ZNF518A: variants seen among roughly 807,000 people sequenced by gnomAD.
The protein encoded by ZNF518A is zinc finger protein 518.
In ZNF518A, 47 loss-of-function variants were observed where a neutral mutation model predicts 102.7. That is an observed-to-expected ratio of 0.46 (90% CI 0.36 to 0.58). The LOEUF (loss-of-function observed/expected upper bound fraction) is 0.58, where lower values mean the gene tolerates loss of function less well. ZNF518A is among the 20% of genes least tolerant of loss of function. The pLI, the probability that ZNF518A is intolerant of heterozygous loss-of-function variation, is 0.00. For missense variants in ZNF518A, 1,793 were observed against 1,699.8 expected (o/e 1.05, Z -0.96); for synonymous variants, 652 against 594.6 (o/e 1.10, Z -1.40).
In ZNF518A at chr10:96,163,121, C is replaced by T. The variant is rs1355224448; in HGVS notation, c.*2347C>T. On this transcript the variant is annotated 3_prime_UTR_variant, in exon 6 of 6. Coordinates refer to ENST00000316045, the MANE Select transcript of ZNF518A (RefSeq NM_001330736.2). ...ACATTACATTTCAGAATAGCCATAT[C>T]AGGAAAATAATGTCGAGATATGTAC... 1.2e-5 allele frequency: 2 copies of T among 166,968 alleles called. No individual in the cohort carries two copies. Among genetic ancestry groups the T allele is most frequent in the South Asian group, 2.1e-4 (1 of 4,832 alleles). The allele number at this position is 166,968 out of a possible 1,614,324, so 10.3% of individuals were successfully genotyped here. A position where few individuals can be genotyped will look rare whatever the true frequency, so the allele number is the denominator to read the frequency against.
chr10:96,170,857 T>C (rs2083169122), intron 1 of ZNF518A, among the ~76,000 whole-genome samples: 1 of 152,136 alleles, frequency 6.6e-6, no homozygotes, highest in Non-Finnish European at 1.5e-5. Flanking sequence ...TAATTTAGAA[T>C]AATGAACCCT....
chr10:96,202,854 G>A (rs372815683), intron 1 of ZNF518A, among the ~76,000 whole-genome samples: 3 of 152,112 alleles, frequency 2.0e-5, no homozygotes, highest in African/African-American at 2.4e-5. Context: ...TTCAACATGC[G>A]TGCATCTCGT....
At chr10:96,152,942 G>A (rs2082522245) in intron 3 of ZNF518A, among the ~76,000 whole-genome samples, 1 of 152,164 alleles carries the variant, frequency 6.6e-6, no homozygotes, top group Non-Finnish European at 1.5e-5. Flanking sequence ...ATTTATTAGG[G>A]GAATTGACTG....
At position 96,183,377 on chromosome 10, in the gene ZNF518A, G is replaced by A. The variant is rs188827745; in HGVS notation, n.36-20197G>A. Among the ~76,000 whole-genome samples, 445 of 152,134 alleles carry A rather than the reference G, an allele frequency of 2.9e-3. 10 individuals are homozygous for A. Among genetic ancestry groups the A allele is most frequent in the Non-Finnish European group, 6.3e-4 (43 of 67,992 alleles). On this transcript the variant is annotated intron_variant and non_coding_transcript_variant, in intron 1 of 2. Transcript: ENST00000442635. ...CTAGCTTTTGAATGTGTTTGCCCTT[G>A]CTTCTCTAGCTCTTTTAATTGTGAT...
intron 1 of ZNF518A, among the ~76,000 whole-genome samples, chr10:96,193,172 T>TTTAC (rs2083371064): frequency 6.6e-6 from 1 of 152,354 alleles, no homozygotes; most frequent in South Asian, 2.1e-4. Flanking sequence ...GTCTTTATTC[T>TTTAC]TTACTTCCTA....
In ZNF518A at chr10:96,130,399, C is replaced by T. The variant is rs1554871039; in HGVS notation, c.-806C>T. Among the ~76,000 whole-genome samples the T allele has an allele frequency of 1.3e-5, 2 of 152,236 alleles. No homozygotes were observed. The highest frequency in any genetic ancestry group is 1.9e-4 in the East Asian group (1 of 5,190). On this transcript the variant is annotated 5_prime_UTR_variant, in exon 1 of 6. Transcript: ENST00000316045. ...ACTTTCTTAACCTGGGGTTGTTTTA[C>T]TTCCGGGCTTTTTGAACTCTACACT...
chr10:96,175,547 G>A (rs1263736603), intron 1 of ZNF518A, among the ~76,000 whole-genome samples: 1 of 152,174 alleles, frequency 6.6e-6, no homozygotes, highest in Non-Finnish European at 1.5e-5. Flanking sequence ...GGAGGATTGA[G>A]TTTAAGAAAA....
intron 3 of ZNF518A, among the ~76,000 whole-genome samples, chr10:96,142,539 A>G (rs1554876978): frequency 3.3e-5 from 5 of 152,304 alleles, no homozygotes; most frequent in Admixed American, 1.3e-4. Flanking sequence ...TTAGAGAGCT[A>G]CATGCTGAGT....
chr10:96,169,269 C>T (rs1402242246), intron 1 of ZNF518A, among the ~76,000 whole-genome samples: 1 of 152,204 alleles, frequency 6.6e-6, no homozygotes, highest in Non-Finnish European at 1.5e-5. Context: ...CCTCCCAAAA[C>T]ACTGTGATTA....
chr10:96,181,769 C>T (rs1023745535), intron 1 of ZNF518A, among the ~76,000 whole-genome samples: 4 of 152,206 alleles, frequency 2.6e-5, no homozygotes, highest in South Asian at 2.1e-4. Flanking sequence ...AGTCAGGTAG[C>T]GTGATGCCTC....
chr10:96,180,962 C>G (rs2083236593), intron 1 of ZNF518A, among the ~76,000 whole-genome samples: 1 of 152,214 alleles, frequency 6.6e-6, no homozygotes, highest in Non-Finnish European at 1.5e-5. Context: ...CTCCCACCAA[C>G]AGTGTAAAAG....
intron 1 of ZNF518A, among the ~76,000 whole-genome samples, chr10:96,173,695 C>T (rs1387503949): frequency 2.0e-5 from 3 of 152,128 alleles, no homozygotes; most frequent in Non-Finnish European, 4.4e-5. Context: ...CACTTTGATA[C>T]TCCACTTTGC....
At chr10:96,198,357 T>G (rs1554895219) in intron 1 of ZNF518A, among the ~76,000 whole-genome samples, 1 of 152,218 alleles carries the variant, frequency 6.6e-6, no homozygotes, top group East Asian at 1.9e-4. Context: ...CCTTTAAGAC[T>G]ATGATCTAAG....
At chr10:96,169,125 C>T (rs1238427950) in intron 1 of ZNF518A, among the ~76,000 whole-genome samples, 5 of 152,102 alleles carry the variant, frequency 3.3e-5, no homozygotes, top group Non-Finnish European at 7.4e-5. Flanking sequence ...AACTCCTAGA[C>T]TCAAGCATTC....
At chr10:96,189,357 T>G in intron 1 of ZNF518A, 1 of 561,700 alleles carries the variant, frequency 1.8e-6, no homozygotes, top group Non-Finnish European at 3.4e-6. Context: ...TTTAAACTAT[T>G]TTCTAAAGAG....
At chr10:96,192,224 T>C (rs1292068300) in intron 1 of ZNF518A, 1 of 1,298,216 alleles carries the variant, frequency 7.7e-7, no homozygotes, top group African/African-American at 1.5e-5. Context: ...CACAAAAAAA[T>C]CTAGTTTAAC....
chr10:96,135,337 CCTT>C (rs1554874029), intron 3 of ZNF518A: 1 of 152,082 alleles, frequency 6.6e-6, no homozygotes, highest in African/African-American at 2.4e-5. Flanking sequence ...ATCCTGGTGT[CCTT>C]CTCAGTCCTT....
At chr10:96,148,333 G>C (rs1355848438) in intron 3 of ZNF518A, among the ~76,000 whole-genome samples, 1 of 152,092 alleles carries the variant, frequency 6.6e-6, no homozygotes, top group Non-Finnish European at 1.5e-5. Context: ...CCAGCTACTA[G>C]GGAGGCTGAG....
intron 1 of ZNF518A, among the ~76,000 whole-genome samples, chr10:96,179,792 C>T (rs1421619515): frequency 6.6e-6 from 1 of 151,200 alleles, no homozygotes; most frequent in African/African-American, 2.4e-5. Context: ...TCTTCTTCCT[C>T]CTCCTCCTCC....
Sources: gnomAD v4.1 joint callset for allele counts (sites outside exome capture counted in the v4.1 genomes callset) on GRCh38, gnomAD v4.1.1 for gene constraint, MANE v1.5 for transcripts, NCBI Gene and HGNC (gene_info 2026-07-23, HGNC 2026-07-21) for gene names.